ERN2: variants seen among roughly 807,000 people sequenced by gnomAD.
ERN2 encodes the protein endoplasmic reticulum to nucleus signaling 2.
ERN2 carries 111 observed loss-of-function variants against 107.9 expected under a neutral mutation model. That is an observed-to-expected ratio of 1.03 (90% CI 0.88 to 1.20). The LOEUF (loss-of-function observed/expected upper bound fraction) is 1.20. ERN2 is among the 50% of genes most tolerant of loss of function. ERN2 has a pLI of 0.00. For synonymous variants in ERN2, 524 were observed against 501.7 expected, an observed-to-expected ratio of 1.04 and a Z score of -0.59; for missense variants, 1,225 against 1,197.9, an observed-to-expected ratio of 1.02 and a Z score of -0.33.
chr16:23,701,053 G>C lies in ERN2; in HGVS notation c.1265C>G (p.Pro422Arg), dbSNP rs1960043814. 1 of 1,614,194 alleles carries C rather than the reference G, an allele frequency of 6.2e-7. No individual in the cohort carries two copies. The change falls in exon 12 of 22, where the codon CCA becomes CGA. Residue 422 changes from proline (P) to arginine (R), a missense_variant. Transcript: ENST00000256797. ...DSELHPEEKTPDSYLGLGPQD... is the reference protein window; with the variant it reads ...DSELHPEEKTRDSYLGLGPQD... ...GGGTCCCAGCCCCAAGTAAGAGTCT[G>C]GAGTTTTTTCTTCTGGATGCAGCTC...
At position 23,694,605 on chromosome 16, in the gene ERN2, A is replaced by G. The variant is rs1959723678; in HGVS notation, c.2100+123T>C. 7.6e-6 allele frequency: 6 copies of G among 793,748 alleles called. No homozygotes were observed. In the South Asian group the frequency reaches 1.1e-4, roughly 15 times the overall value. The allele number at this position is 793,748 out of a possible 1,614,324, so 49.2% of individuals were successfully genotyped here. ...CCTTCTTTAAGGGAAACAAGCTTGG[A>G]GGAGCAGCTCAAAGTCACACAGCAA... On this transcript the variant is annotated intron_variant, in intron 17 of 21. Transcript: ENST00000256797.
chr16:23,690,433 C>T lies in ERN2; in HGVS notation c.*398G>A. On this transcript the variant is annotated 3_prime_UTR_variant, in exon 22 of 22. Coordinates refer to ENST00000256797, the MANE Select transcript of ERN2 (RefSeq NM_033266.4). ...CAGCGAACATCTCTGCTTCATCAGC[C>T]CCAGGCTGCCCAGCCTCTGCCAGTC... 1 of 457,736 alleles carries T rather than the reference C, an allele frequency of 2.2e-6. No homozygotes were observed. Among genetic ancestry groups the T allele is most frequent in the South Asian group, 2.4e-5 (1 of 41,572 alleles). 28.4% of individuals were successfully genotyped at this position (457,736 alleles called of 1,614,324 possible).
chr16:23,701,795 A>G (rs569737314), intron 11 of ERN2, among the ~76,000 whole-genome samples: 4 of 151,872 alleles, frequency 2.6e-5, no homozygotes, highest in East Asian at 3.9e-4. Flanking sequence ...ATTCCCCACT[A>G]ATTTTTTATT....
intron 17 of ERN2, among the ~76,000 whole-genome samples, chr16:23,693,643 T>G (rs1959689683): frequency 6.6e-6 from 1 of 151,962 alleles, no homozygotes; most frequent in South Asian, 2.1e-4. Context: ...ATAAACTGTA[T>G]AGTCTCATGA....
chr16:23,708,961 T>G (rs1411606585), intron 4 of ERN2, among the ~76,000 whole-genome samples: 1 of 152,200 alleles, frequency 6.6e-6, no homozygotes, highest in Admixed American at 6.5e-5. Flanking sequence ...TCCCTTGTGG[T>G]TTCCTATACT....
intron 17 of ERN2, among the ~76,000 whole-genome samples, chr16:23,693,036 G>GC (rs145979647): frequency 2.4e-4 from 36 of 151,990 alleles, no homozygotes; most frequent in African/African-American, 8.2e-4. Context: ...AAAATATTGG[G>GC]CCAGGCATGT....
chr16:23,713,119 C>T lies in ERN2; in HGVS notation c.69G>A (p.Leu23=), dbSNP rs1254139378. The T allele has an allele frequency of 1.9e-6, 3 of 1,576,214 alleles. No homozygotes were observed. Among genetic ancestry groups the T allele is most frequent in the African/African-American group, 2.7e-5 (2 of 73,860 alleles). The part of the protein sequence containing the change: ...RLGLQLQFAA[L]LLGTLSPQVH... Reference sequence around the variant, plus strand: ...CCTGTGGACTCAGCGTCCCGAGCAGCAGCGCCGCGAACTGGAGCTGGAGCC... The same window carrying T: ...CCTGTGGACTCAGCGTCCCGAGCAGTAGCGCCGCGAACTGGAGCTGGAGCC... Residue 23 remains leucine, a synonymous_variant, in exon 1 of 22, where the codon CTG becomes CTA. Coordinates refer to ENST00000256797, the MANE Select transcript of ERN2 (RefSeq NM_033266.4).
At position 23,691,968 on chromosome 16, in the gene ERN2, A is replaced by G; in HGVS notation, c.2371T>C (p.Phe791Leu). ...FWSRAKQLQF[F>L]QDVSDWLEKE... ...TCCCAAGCTTTCCTTCTGACCTGGAAGAACTGGAGTTGCTTGGCTCTGCTC... is the reference window on the plus strand; with the variant it reads ...TCCCAAGCTTTCCTTCTGACCTGGAGGAACTGGAGTTGCTTGGCTCTGCTC... The change falls in exon 19 of 22, where the codon TTC (phenylalanine) becomes CTC (leucine). Residue 791 changes from phenylalanine (F) to leucine (L), a missense_variant. Phe to Leu is a conservative substitution (Grantham distance 22). Coordinates refer to ENST00000256797, the MANE Select transcript of ERN2 (RefSeq NM_033266.4). 1.2e-6 allele frequency: 2 copies of G among 1,612,402 alleles called. No individual in the cohort carries two copies. Among genetic ancestry groups the G allele is most frequent in the Non-Finnish European group, 1.7e-6 (2 of 1,179,400 alleles).
Position 23,691,020 on chromosome 16 carries a change from T to C in ERN2, c.2592A>G (p.Pro864=), listed in dbSNP as rs748187017. 6.2e-7 allele frequency: 1 copy of C among 1,614,180 alleles called. No homozygotes were observed. Among genetic ancestry groups the C allele is most frequent in the South Asian group, 1.1e-5 (1 of 91,088 alleles). ...GGCCGAGTGCCTGTCGCACCTCAACTGGGAGCTCCCTGTAGTGGTGCTTCT... is the reference window on the plus strand; with the variant it reads ...GGCCGAGTGCCTGTCGCACCTCAACCGGGAGCTCCCTGTAGTGGTGCTTCT... ...RNKKHHYREL[P]VEVRQALGQV... Residue 864 remains proline (P), a synonymous_variant, in exon 22 of 22, where the codon CCA becomes CCG. Coordinates refer to ENST00000256797, the MANE Select transcript of ERN2 (RefSeq NM_033266.4).
rs532995245 is a variant in ERN2 at position 23,703,901 on chromosome 16, C to G, written c.854+982G>C. Reference sequence around the variant, plus strand: ...CTATACATTCCCATGGCATCTTATACTACTTTCATCTCATCCTTTATCATA... The same window carrying G: ...CTATACATTCCCATGGCATCTTATAGTACTTTCATCTCATCCTTTATCATA... On this transcript the variant is annotated intron_variant, in intron 8 of 21. Coordinates refer to ENST00000256797, the MANE Select transcript of ERN2 (RefSeq NM_033266.4). 1.8e-3 allele frequency among the ~76,000 whole-genome samples: 279 copies of G among 152,274 alleles called. 1 individual carries two copies. Among genetic ancestry groups the G allele is most frequent in the African/African-American group, 6.4e-3 (267 of 41,540 alleles).
chr16:23,703,254 A>C (rs1012915690), intron 8 of ERN2, among the ~76,000 whole-genome samples: 7 of 152,180 alleles, frequency 4.6e-5, no homozygotes, highest in Non-Finnish European at 1.0e-4. Flanking sequence ...TTCTAAATAT[A>C]AACTCATTAC....
chr16:23,692,496 A>T (rs973531455), intron 17 of ERN2, among the ~76,000 whole-genome samples, 165 bp from the exon 18 acceptor site: 2 of 151,966 alleles, frequency 1.3e-5, no homozygotes, highest in Non-Finnish European at 2.9e-5. Context: ...TCCCCTCTAC[A>T]CTACTATAGG....
In ERN2 at chr16:23,700,664, AG is replaced by A. The variant is rs763540496; in HGVS notation, c.1399del (p.Leu467TrpfsTer48). On this transcript the variant is annotated frameshift_variant, in exon 13 of 22. Coordinates refer to ENST00000256797, the MANE Select transcript of ERN2 (RefSeq NM_033266.4). LOFTEE classifies it high-confidence loss of function. Reference protein sequence around the residue: ...QVVEKQQETPLAPADFAHISQ... With the variant: ...QVVEKQQETPXAPADFAHISQ... ...GATGTGAGCAAAGTCTGCAGGTGCC[AG>A]GGGGGTCTCCTGCTGCTTCTCCACC... The A allele has an allele frequency of 3.3e-5, 54 of 1,613,780 alleles. No individual in the cohort carries two copies. Among genetic ancestry groups the A allele is most frequent in the Admixed American group, 3.3e-4 (20 of 59,964 alleles).
At position 23,695,345 on chromosome 16, in the gene ERN2, CGGA is replaced by C; in HGVS notation, c.1652_1654del (p.Leu551del). 1 of 1,609,318 alleles carries C rather than the reference CGGA, an allele frequency of 6.2e-7. No homozygotes were observed. The highest frequency in any genetic ancestry group is 8.5e-7 in the Non-Finnish European group (1 of 1,178,104). ...CCGCCGAACCAGGCCAAAGCACTCG[CGGA>C]GGAGCCGCTTGACAGCCACTGCCCG... is the stretch of plus-strand genomic sequence containing the variant. On this transcript the variant is annotated inframe_deletion, in exon 15 of 22. Coordinates refer to ENST00000256797, the MANE Select transcript of ERN2 (RefSeq NM_033266.4).
chr16:23,702,827 T>C, intron 8 of ERN2, 125 bp from the exon 9 acceptor site: 1 of 810,010 alleles, frequency 1.2e-6, no homozygotes, highest in Non-Finnish European at 2.1e-6. Context: ...TGAGACTTGC[T>C]TTAATCAATT....
rs764325527 is a variant in ERN2, at chr16:23,700,552, G to A, written c.1512C>T (p.Leu504=). Residue 504 remains leucine (L), a synonymous_variant, in exon 13 of 22, where the codon CTC becomes CTT. Transcript: ENST00000256797. ...ACACAGGCTCACCTTCAGGGTCGTC[G>A]AGTGGCTGGGCTTGCTTTGAGGGAC... ...LQSPSKQAQP[L]DDPEAEQLTV... is the part of the protein sequence containing the mutation. The A allele has an allele frequency of 3.1e-6, 5 of 1,612,608 alleles. No individual in the cohort carries two copies. In the South Asian group the frequency reaches 3.3e-5, roughly 11 times the overall value.
Position 23,695,994 on chromosome 16 carries a change from G to A in ERN2, c.1526-16C>T, listed in dbSNP as rs752876038. The stretch of plus-strand genomic sequence containing the variant: ...AGTTGCTCAGCTGGGGGAGAGGAGG[G>A]TGGTGACTCAGGGAGCCTCTGCCCA... On this transcript the variant is annotated splice_polypyrimidine_tract_variant and intron_variant, in intron 13 of 21. Transcript: ENST00000256797. 19 of 1,606,424 alleles carry A rather than the reference G, an allele frequency of 1.2e-5. No homozygotes were observed. Among genetic ancestry groups the A allele is most frequent in the Non-Finnish European group, 1.5e-5 (18 of 1,173,250 alleles).
chr16:23,692,197 C>T lies in ERN2; in HGVS notation c.2235G>A (p.Glu745=). The change falls in exon 18 of 22, where the codon GAG becomes GAA. Residue 745 remains glutamate (E), a synonymous_variant. Coordinates refer to ENST00000256797, the MANE Select transcript of ERN2 (RefSeq NM_033266.4). The part of the protein sequence containing the change: ...LTGAPCLAHL[E]EEVHDKVVAR... Reference sequence around the variant, plus strand: ...GGGCTCCCTCACCGTGGACCTCTTCCTCCAGGTGAGCCAGACAGGGAGCCC... The same window carrying T: ...GGGCTCCCTCACCGTGGACCTCTTCTTCCAGGTGAGCCAGACAGGGAGCCC... The T allele has an allele frequency of 6.2e-7, 1 of 1,614,146 alleles. No individual in the cohort carries two copies. The highest frequency in any genetic ancestry group is 1.3e-5 in the African/African-American group (1 of 75,046).
Position 23,691,111 on chromosome 16 carries a change from C to G in ERN2, c.2568+18G>C, listed in dbSNP as rs1185640845. 2 of 1,613,568 alleles carry G rather than the reference C, an allele frequency of 1.2e-6. No homozygotes were observed. Reference sequence around the variant, plus strand: ...AGGCCTTCCCAAGACCCAGGCCCACCCAGGCCCCAACACATACCTTGTTCC... The same window carrying G: ...AGGCCTTCCCAAGACCCAGGCCCACGCAGGCCCCAACACATACCTTGTTCC... On this transcript the variant is annotated intron_variant, in intron 21 of 21. Coordinates refer to ENST00000256797, the MANE Select transcript of ERN2 (RefSeq NM_033266.4).
Sources: allele counts gnomAD v4.1 joint callset (sites outside exome capture counted in the v4.1 genomes callset), GRCh38; gene constraint gnomAD v4.1.1; transcripts MANE v1.5; gene names NCBI Gene and HGNC (gene_info 2026-07-23, HGNC 2026-07-21).